NTRK2: variants seen among roughly 807,000 people sequenced by gnomAD.
The protein encoded by NTRK2 is neurotrophic receptor tyrosine kinase 2.
In NTRK2, 13 loss-of-function variants were observed where a neutral mutation model predicts 94.5. The ratio of observed to expected loss-of-function variants is 0.14; its 90% CI spans 0.09 to 0.22. NTRK2 has a LOEUF of 0.22. Among genes scored for constraint, NTRK2 ranks in the 10% least tolerant of loss-of-function variants. The pLI is 1.00. For missense variants in NTRK2, 639 were observed against 1,071.2 expected, an observed-to-expected ratio of 0.60 and a Z score of 5.63; for synonymous variants, 372 against 407.4, an observed-to-expected ratio of 0.91 and a Z score of 1.05.
At chr9:84,949,861 T>A (rs1435355004) in intron 16 of NTRK2, among the ~76,000 whole-genome samples, 1 of 152,128 alleles carries the variant, frequency 6.6e-6, no homozygotes, top group Non-Finnish European at 1.5e-5. Flanking sequence ...ATAGAGCAGG[T>A]GAGAAATGGC....
At chr9:84,892,805 C>A (rs957889004) in intron 14 of NTRK2, among the ~76,000 whole-genome samples, 1 of 151,984 alleles carries the variant, frequency 6.6e-6, no homozygotes, top group Admixed American at 6.6e-5. Flanking sequence ...ACCTGTAATC[C>A]CAGCTACTCG....
chr9:84,695,054 CAA>C lies in NTRK2; in HGVS notation c.213-7086_213-7085del, dbSNP rs61049105. ...TGGGTGACAGAGTGAGACTCCGTCT[CAA>C]AAAAAAAAAAAAAAAAAACACACAA... On this transcript the variant is annotated intron_variant, in intron 2 of 18. Coordinates refer to ENST00000277120, the MANE Select transcript of NTRK2 (RefSeq NM_006180.6). 9.8e-3 allele frequency among the ~76,000 whole-genome samples: 670 copies of C among 68,456 alleles called. 3 individuals are homozygous for C. Among genetic ancestry groups the C allele is most frequent in the East Asian group, 0.046 (105 of 2,278 alleles). The allele number at this position is 68,456 out of a possible 152,430, so 44.9% of individuals were successfully genotyped here.
chr9:84,736,173 A>G (rs561437095), intron 9 of NTRK2, among the ~76,000 whole-genome samples: 18 of 152,346 alleles, frequency 1.2e-4, no homozygotes, highest in South Asian at 4.1e-4. Context: ...TTCTTTAGGC[A>G]GTACATAAAG....
At chr9:84,772,359 A>G (rs906883603) in intron 12 of NTRK2, among the ~76,000 whole-genome samples, 19 of 151,984 alleles carry the variant, frequency 1.3e-4, no homozygotes, top group African/African-American at 4.3e-4. Flanking sequence ...GGTTCAAGCA[A>G]TTTTTGTGCC....
chr9:84,710,947 A>G (rs1349472646), intron 6 of NTRK2, among the ~76,000 whole-genome samples, 156 bp downstream of exon 6: 1 of 152,216 alleles, frequency 6.6e-6, no homozygotes, highest in Non-Finnish European at 1.5e-5. Context: ...GTGTGGAGTA[A>G]TCTTTGCAAG....
intron 15 of NTRK2, among the ~76,000 whole-genome samples, chr9:84,945,715 C>A (rs1034177669): frequency 6.6e-6 from 1 of 152,124 alleles, no homozygotes; most frequent in African/African-American, 2.4e-5. Context: ...CCCCAGGTTC[C>A]GGCCACTGTT....
chr9:84,924,085 A>T (rs775128333), intron 14 of NTRK2, among the ~76,000 whole-genome samples: 1 of 151,964 alleles, frequency 6.6e-6, no homozygotes, highest in Non-Finnish European at 1.5e-5. Flanking sequence ...GGTGGCACGC[A>T]TCTGTAGTCC....
intron 12 of NTRK2, among the ~76,000 whole-genome samples, chr9:84,816,900 AGGT>A (rs2072456558): frequency 6.6e-6 from 1 of 152,142 alleles, no homozygotes; most frequent in South Asian, 2.1e-4. Context: ...TAACATCTGA[AGGT>A]CATATGATAA....
At chr9:84,717,526 G>A (rs556520269) in intron 6 of NTRK2, among the ~76,000 whole-genome samples, 14 of 152,330 alleles carry the variant, frequency 9.2e-5, no homozygotes, top group Non-Finnish European at 1.3e-4. Flanking sequence ...TAAGGCCCTG[G>A]ACAGACAGAT....
chr9:84,890,666 A>G (rs1022808038), intron 14 of NTRK2, among the ~76,000 whole-genome samples: 3 of 152,232 alleles, frequency 2.0e-5, no homozygotes, highest in Admixed American at 1.3e-4. Context: ...TCCTACTGCC[A>G]TAATATCTTC....
chr9:84,873,383 C>G, intron 14 of NTRK2: 3 of 1,058,946 alleles, frequency 2.8e-6, no homozygotes, highest in African/African-American at 1.6e-5. Context: ...TTTTAGGATC[C>G]TTAAAAATTG....
intron 17 of NTRK2, among the ~76,000 whole-genome samples, chr9:84,985,816 G>A (rs1385693862): frequency 6.6e-6 from 1 of 152,184 alleles, no homozygotes; most frequent in Non-Finnish European, 1.5e-5. Context: ...CACCTTCAAG[G>A]ATCACACAGT....
chr9:84,752,199 G>A (rs141217655), intron 12 of NTRK2, 114 bp downstream of exon 12: 1 of 850,214 alleles, frequency 1.2e-6, no homozygotes, highest in East Asian at 2.6e-5. Flanking sequence ...AGGTTTTAAG[G>A]CTAAAAAAAT....
intron 12 of NTRK2, chr9:84,811,627 C>T (rs202017888): frequency 1.9e-6 from 2 of 1,064,984 alleles, no homozygotes; most frequent in Non-Finnish European, 2.3e-6. Flanking sequence ...GAAGGATAGT[C>T]CCCCCTACAA....
intron 2 of NTRK2, among the ~76,000 whole-genome samples, chr9:84,700,920 G>GTCCATCCATCCA (rs573326112): frequency 9.2e-5 from 14 of 151,912 alleles, no homozygotes; most frequent in Admixed American, 2.6e-4. Flanking sequence ...CCATCCATCC[G>GTCCATCCATCCA]TCCATCCATC....
At chr9:84,865,493 ATAT>A (rs2075549044) in intron 13 of NTRK2, among the ~76,000 whole-genome samples, 1 of 152,076 alleles carries the variant, frequency 6.6e-6, no homozygotes, top group Non-Finnish European at 1.5e-5. Flanking sequence ...GGGGGATGAG[ATAT>A]TATTATATTT....
intron 12 of NTRK2, among the ~76,000 whole-genome samples, chr9:84,799,539 A>G (rs2070125619): frequency 6.6e-6 from 1 of 152,116 alleles, no homozygotes; most frequent in Non-Finnish European, 1.5e-5. Flanking sequence ...CTGTTATTTT[A>G]GTGAACTGCC....
chr9:84,687,349 T>C (rs772937063), intron 2 of NTRK2, among the ~76,000 whole-genome samples: 2 of 152,252 alleles, frequency 1.3e-5, no homozygotes, highest in Non-Finnish European at 2.9e-5. Context: ...CTGTCTCATT[T>C]GTCTCATTTG....
intron 17 of NTRK2, among the ~76,000 whole-genome samples, chr9:85,006,246 C>G (rs564022869): frequency 3.9e-4 from 60 of 152,320 alleles, no homozygotes; most frequent in Admixed American, 7.8e-4. Flanking sequence ...GGAAGTTTAG[C>G]TTCTCCTGAC....
Sources: gnomAD v4.1 joint callset for allele counts (sites outside exome capture counted in the v4.1 genomes callset) on GRCh38, gnomAD v4.1.1 for gene constraint, MANE v1.5 for transcripts, NCBI Gene and HGNC (gene_info 2026-07-23, HGNC 2026-07-21) for gene names.